The following TFR2 variants were observed in gnomAD, a reference collection of about 807,000 sequenced individuals.
TFR2 encodes the protein transferrin receptor 2, also known as transferrin receptor protein 2.
A neutral mutation model predicts 91.9 loss-of-function variants in TFR2; 64 were observed. The observed-to-expected ratio is 0.70, with a 90% CI of 0.57 to 0.86. The LOEUF (loss-of-function observed/expected upper bound fraction) is 0.86, where lower values mean the gene tolerates loss of function less well. Among genes scored for constraint, TFR2 ranks in the 40% least tolerant of loss-of-function variants. The probability of loss-of-function intolerance (pLI) is 0.00; values close to 1 mark genes in which losing one functional copy is unlikely to be tolerated. For synonymous variants in TFR2, 454 were observed against 459.6 expected, an observed-to-expected ratio of 0.99 and a Z score of 0.15; for missense variants, 950 against 1,080.5, an observed-to-expected ratio of 0.88 and a Z score of 1.69.
chr7:100,620,800 A>C lies in TFR2; in HGVS notation c.*57T>G. On this transcript the variant is annotated 3_prime_UTR_variant, in exon 18 of 18. Transcript: ENST00000223051. The stretch of plus-strand genomic sequence containing the variant: ...CACCTCCCTGACCCTGAATCATTCA[A>C]GCGAGGAGCAGAGGAGCTCTTGACT... The C allele has an allele frequency of 1.9e-6, 3 of 1,609,828 alleles. No homozygotes were observed. Among genetic ancestry groups the C allele is most frequent in the East Asian group, 4.5e-5 (2 of 44,748 alleles).
At position 100,626,610 on chromosome 7, in the gene TFR2, C is replaced by T. The variant is rs561479218; in HGVS notation, c.2136+153G>A. On this transcript the variant is annotated intron_variant, in intron 17 of 17. Coordinates refer to ENST00000223051, the MANE Select transcript of TFR2 (RefSeq NM_003227.4). ...CTCCAGCCTGACCGATCTATGAGCA[C>T]TGCGTGTCCAGGACTGGGAAGAGAG... The T allele has an allele frequency of 9.6e-6, 14 of 1,456,436 alleles. No homozygotes were observed. The African/African-American group carries it at 1.7e-4, about 18-fold the overall frequency. The allele number at this position is 1,456,436 out of a possible 1,614,324, so 90.2% of individuals were successfully genotyped here. A position where few individuals can be genotyped will look rare whatever the true frequency, so the allele number is the denominator to read the frequency against.
In TFR2 at chr7:100,640,584, G is replaced by C. The variant is rs917592223; in HGVS notation, c.473+102C>G. 5.9e-6 allele frequency: 8 copies of C among 1,361,142 alleles called. 1 individual carries two copies. In the Admixed American group the frequency reaches 5.9e-5, roughly 10 times the overall value. The allele number at this position is 1,361,142 out of a possible 1,614,324, so 84.3% of individuals were successfully genotyped here. On this transcript the variant is annotated intron_variant, in intron 3 of 17. Transcript: ENST00000223051. ...AGGCAGATGGGAGGACTCAGGAGGG[G>C]GACCCAGACACCAGAGGCCTGGGCC...
In TFR2 at chr7:100,641,081, G is replaced by A. The variant is rs750469376; in HGVS notation, c.181C>T (p.Pro61Ser). The change falls in exon 2 of 18, where the codon CCC (proline) becomes TCC (serine). Residue 61 changes from proline (P) to serine (S), a missense_variant. Coordinates refer to ENST00000223051, the MANE Select transcript of TFR2 (RefSeq NM_003227.4). ...GGCTGCCTGGGTCTAGAGCCCAGGGGCTCAGGGCCCCTCAGCTCCATGGGG... is the reference window on the plus strand; with the variant it reads ...GGCTGCCTGGGTCTAGAGCCCAGGGACTCAGGGCCCCTCAGCTCCATGGGG... ...FCPMELRGPE[P>S]LGSRPRQPNL... The A allele has an allele frequency of 3.7e-6, 6 of 1,601,408 alleles. No individual in the cohort carries two copies. The highest frequency in any genetic ancestry group is 2.6e-6 in the Non-Finnish European group (3 of 1,173,232).
In TFR2 at chr7:100,620,825, T is replaced by TG; in HGVS notation, c.*31dup. 1 of 1,613,332 alleles carries TG rather than the reference T, an allele frequency of 6.2e-7. No individual in the cohort carries two copies. Among genetic ancestry groups the TG allele is most frequent in the South Asian group, 1.1e-5 (1 of 90,870 alleles). On this transcript the variant is annotated 3_prime_UTR_variant, in exon 18 of 18. Coordinates refer to ENST00000223051, the MANE Select transcript of TFR2 (RefSeq NM_003227.4). Reference sequence around the variant, plus strand: ...AGCGAGGAGCAGAGGAGCTCTTGACTGGGGGACGGGGATGTGAGGATCCCC... The same window carrying TG: ...AGCGAGGAGCAGAGGAGCTCTTGACTGGGGGGACGGGGATGTGAGGATCCCC...
At chr7:100,639,580 A>G (rs912075191) in intron 3 of TFR2, among the ~76,000 whole-genome samples, 1 of 91,840 alleles carries the variant, frequency 1.1e-5, no homozygotes, top group African/African-American at 3.8e-5. Context: ...ATGAGAAATG[A>G]AAAAAAAAAA....
rs747427095 is a variant in TFR2, at chr7:100,633,066, T to C, written c.784A>G (p.Arg262Gly). 1.7e-5 allele frequency: 28 copies of C among 1,613,506 alleles called. 1 individual carries two copies. In the Middle Eastern group the frequency reaches 3.0e-3, roughly 170 times the overall value. ...AGGCGGCCCACTGGATCCACGCCCC[T>C]GGCCCGCAGGTCCTGCAGGTCTTCG... ...RPEDLQDLRA[R>G]GVDPVGRLLL... Residue 262 changes from arginine to glycine, a missense_variant, in exon 6 of 18, where the codon AGG becomes GGG. Coordinates refer to ENST00000223051, the MANE Select transcript of TFR2 (RefSeq NM_003227.4).
At chr7:100,631,169 G>A in intron 8 of TFR2, 117 bp from the exon 9 acceptor site, 1 of 1,225,944 alleles carries the variant, frequency 8.2e-7, no homozygotes, top group South Asian at 1.6e-5. Flanking sequence ...GCTGCCTCTG[G>A]ACGCTGCCTG....
At chr7:100,634,777 C>T (rs1446060791) in intron 3 of TFR2, among the ~76,000 whole-genome samples, 3 of 152,218 alleles carry the variant, frequency 2.0e-5, no homozygotes, top group Admixed American at 6.5e-5. Context: ...AATGGTGAAT[C>T]TCAGCCTGAA....
At chr7:100,632,913 C>T in intron 6 of TFR2, 88 bp downstream of exon 6, 2 of 1,606,862 alleles carry the variant, frequency 1.2e-6, no homozygotes, top group Middle Eastern at 1.7e-4. Flanking sequence ...TTCCTGTCTC[C>T]CTCTCACAGC....
intron 14 of TFR2, 41 bp from the exon 15 acceptor site, chr7:100,627,702 C>A (rs973805993): frequency 1.2e-6 from 2 of 1,613,636 alleles, no homozygotes; most frequent in Non-Finnish European, 1.7e-6. Context: ...GGTTCAGGCT[C>A]CCCCACATCC....
chr7:100,629,200 G>T, intron 10 of TFR2, 53 bp downstream of exon 10: 1 of 1,609,126 alleles, frequency 6.2e-7, no homozygotes, highest in South Asian at 1.1e-5. Context: ...TCCTCCTCGG[G>T]CCACAGGCCC....
chr7:100,621,130 C>T lies in TFR2; in HGVS notation c.2137-4G>A, dbSNP rs1255761537. The T allele has an allele frequency of 2.0e-6, 3 of 1,509,280 alleles. No individual in the cohort carries two copies. Among genetic ancestry groups the T allele is most frequent in the Admixed American group, 4.1e-5 (2 of 48,980 alleles). The allele number at this position is 1,509,280 out of a possible 1,614,324, so 93.5% of individuals were successfully genotyped here. ...GGGAAAGGAAGTAGAACTCCACCTGCGCAGAGAGGGGGATCAGGTCAGGGT... is the reference window on the plus strand; with the variant it reads ...GGGAAAGGAAGTAGAACTCCACCTGTGCAGAGAGGGGGATCAGGTCAGGGT... On this transcript the variant is annotated splice_region_variant and splice_polypyrimidine_tract_variant and intron_variant, in intron 17 of 17. Coordinates refer to ENST00000223051, the MANE Select transcript of TFR2 (RefSeq NM_003227.4).
At chr7:100,625,059 C>CT (rs34968337) in intron 17 of TFR2, among the ~76,000 whole-genome samples, 126 of 105,260 alleles carry the variant, frequency 1.2e-3, no homozygotes, top group Non-Finnish European at 1.5e-3. Flanking sequence ...TTTTCTTTTT[C>CT]TTTTTTTTTT....
In TFR2 at chr7:100,627,376, T is replaced by G. The variant is rs1351925254; in HGVS notation, c.1883A>C (p.Gln628Pro). The change falls in exon 16 of 18, where the codon CAG becomes CCG. Residue 628 changes from glutamine to proline, a missense_variant. Gln to Pro is a moderately conservative substitution (Grantham distance 76). Coordinates refer to ENST00000223051, the MANE Select transcript of TFR2 (RefSeq NM_003227.4). ...ATCGTGGCTGAGCCGGATGAGGAGC[T>G]GCCCTGCGAGCTGGGCCACGGCCTG... ...VAQAVAQLAGQLLIRLSHDRL... is the reference protein window; with the variant it reads ...VAQAVAQLAGPLLIRLSHDRL... The G allele has an allele frequency of 1.2e-5, 18 of 1,555,776 alleles. No homozygotes were observed. The highest frequency in any genetic ancestry group is 1.5e-5 in the Non-Finnish European group (17 of 1,149,560).
chr7:100,629,838 C>T (rs989039998), intron 9 of TFR2, among the ~76,000 whole-genome samples: 3 of 152,056 alleles, frequency 2.0e-5, no homozygotes, highest in Non-Finnish European at 4.4e-5. Flanking sequence ...CTCCACCTCC[C>T]GGGTTCACGC....
chr7:100,627,391 G>A lies in TFR2; in HGVS notation c.1868C>T (p.Ala623Val), dbSNP rs772114496. 1.9e-6 allele frequency: 3 copies of A among 1,561,554 alleles called. No individual in the cohort carries two copies. The highest frequency in any genetic ancestry group is 1.2e-5 in the South Asian group (1 of 85,092). The change falls in exon 16 of 18, where the codon GCC becomes GTC. Residue 623 changes from alanine to valine, a missense_variant. Transcript: ENST00000223051. ...GATGAGGAGCTGCCCTGCGAGCTGG[G>A]CCACGGCCTGGGCCACGGCGGGCAG... ...GRLPAVAQAVAQLAGQLLIRL... is the reference protein window; with the variant it reads ...GRLPAVAQAVVQLAGQLLIRL...
intron 9 of TFR2, among the ~76,000 whole-genome samples, chr7:100,630,288 CTCTT>C (rs1175704351): frequency 6.9e-6 from 1 of 145,110 alleles, no homozygotes; most frequent in African/African-American, 2.6e-5. Context: ...TTCTTTCTTT[CTCTT>C]TTTTTTCTTT....
At chr7:100,629,061 CCTCA>C (rs1449552441) in intron 10 of TFR2, among the ~76,000 whole-genome samples, 188 bp downstream of exon 10, 1 of 152,234 alleles carries the variant, frequency 6.6e-6, no homozygotes, top group Non-Finnish European at 1.5e-5. Flanking sequence ...CCGCACCCGG[CCTCA>C]CTTTCATTTT....
intron 17 of TFR2, among the ~76,000 whole-genome samples, chr7:100,624,707 A>C (rs1333088301): frequency 6.6e-6 from 1 of 152,048 alleles, no homozygotes; most frequent in Non-Finnish European, 1.5e-5. Flanking sequence ...CTCTACAAAA[A>C]ATTTTAAAAA....
Sources: allele counts gnomAD v4.1 joint callset (sites outside exome capture counted in the v4.1 genomes callset), GRCh38; gene constraint gnomAD v4.1.1; transcripts MANE v1.5; gene names NCBI Gene and HGNC (gene_info 2026-07-23, HGNC 2026-07-21).